The following ASPM variants were observed in gnomAD, a reference collection of about 807,000 sequenced individuals.
ASPM encodes abnormal spindle-like microcephaly-associated protein.
ASPM carries 256 observed loss-of-function variants against 366.4 expected under a neutral mutation model. The ratio of observed to expected loss-of-function variants is 0.70; its 90% CI spans 0.63 to 0.77. The LOEUF is 0.77. ASPM is among the 30% of genes least tolerant of loss of function. The pLI is 0.00. For missense variants in ASPM, 4,146 were observed against 4,090.4 expected (o/e 1.01, Z -0.37); for synonymous variants, 1,414 against 1,342.9 (o/e 1.05, Z -1.16).
chr1:197,114,390 GACA>G (rs1478678177), intron 17 of ASPM, among the ~76,000 whole-genome samples: 1 of 152,066 alleles, frequency 6.6e-6, no homozygotes, highest in East Asian at 1.9e-4. Flanking sequence ...TTAAAAATAA[GACA>G]ACAATGAAGT....
rs1233621583 is a variant in ASPM at position 197,102,015 on chromosome 1, G to A, written c.7236C>T (p.Thr2412=). The part of the protein sequence containing the change: ...RHLKSMHSSA[T]LIQSRFRSLL... ...ATGATCTAAACCTACTCTGAATAAG[G>A]GTTGCAGAGGAATGCATACTCTTCA... Residue 2412 remains threonine, a synonymous_variant, in exon 18 of 28, where the codon ACC becomes ACT. Transcript: ENST00000367409. 1.2e-6 allele frequency: 2 copies of A among 1,612,858 alleles called. No homozygotes were observed. Among genetic ancestry groups the A allele is most frequent in the East Asian group, 2.2e-5 (1 of 44,822 alleles).
chr1:197,142,788 CTTAGG>C lies in ASPM; in HGVS notation c.1459_1463del (p.Pro487GlufsTer11). 6.2e-7 allele frequency: 1 copy of C among 1,613,626 alleles called. No individual in the cohort carries two copies. The highest frequency in any genetic ancestry group is 8.5e-7 in the Non-Finnish European group (1 of 1,179,588). On this transcript the variant is annotated frameshift_variant, in exon 3 of 28. Transcript: ENST00000367409. LOFTEE classifies it high-confidence loss of function. Reference sequence around the variant, plus strand: ...CAGTGGCAGAAAGTATTGGACGTCTCTTAGGTTGTTTATTGTGGCTATGACTAGAA... The same window carrying C: ...CAGTGGCAGAAAGTATTGGACGTCTCTTGTTTATTGTGGCTATGACTAGAA...
intron 27 of ASPM, 120 bp downstream of exon 27, chr1:197,086,683 A>G: frequency 1.2e-6 from 1 of 857,772 alleles, no homozygotes; most frequent in Non-Finnish European, 2.0e-6. Flanking sequence ...TTCCATTCTT[A>G]TTCATATGTT....
At position 197,122,560 on chromosome 1, in the gene ASPM, A is replaced by T; in HGVS notation, c.3426T>A (p.Arg1142=). The T allele has an allele frequency of 6.2e-7, 1 of 1,612,078 alleles. No individual in the cohort carries two copies. The highest frequency in any genetic ancestry group is 1.1e-5 in the South Asian group (1 of 90,744). The change falls in exon 14 of 28, where the codon CGT becomes CGA. Residue 1142 remains arginine, a synonymous_variant. Transcript: ENST00000367409. The part of the protein sequence containing the change: ...ENFTVSFSDG[R]VLCYLIHHYH... ...AATGGTGGATCAGGTAACATAACAC[A>T]CGGCCGTCTGAGAAAGACACTGTAA...
chr1:197,125,284 A>T (rs1270182207), intron 10 of ASPM, 93 bp from the exon 11 acceptor site: 45 of 1,445,256 alleles, frequency 3.1e-5, no homozygotes, highest in Non-Finnish European at 9.7e-7. Context: ...CATAAATCCC[A>T]ACAGTTACAG....
Position 197,133,328 on chromosome 1 carries a change from A to C in ASPM, c.2419+22T>G, listed in dbSNP as rs192836234. 4.2e-5 allele frequency: 67 copies of C among 1,593,992 alleles called. No individual in the cohort carries two copies. In the African/African-American group the frequency reaches 7.6e-4, roughly 18 times the overall value. On this transcript the variant is annotated intron_variant, in intron 6 of 27. Transcript: ENST00000367409. Reference sequence around the variant, plus strand: ...TGAATGTTTTTAAAGAATTAATGTCAAGATTTCTGCAGTCTTCTTACCCAC... The same window carrying C: ...TGAATGTTTTTAAAGAATTAATGTCCAGATTTCTGCAGTCTTCTTACCCAC...
rs1182835336 is a variant in ASPM, at chr1:197,117,979, C to T, written c.3875G>A (p.Arg1292Lys). The T allele has an allele frequency of 8.1e-6, 13 of 1,612,918 alleles. No individual in the cohort carries two copies. In the African/African-American group the frequency reaches 1.7e-4, roughly 22 times the overall value. The stretch of plus-strand genomic sequence containing the variant: ...TTGAATAATTCTTGCAGCTTTCTCT[C>T]TCTCCTAAAATAAAAAAGTCAGCAA... ...LKTDLKRHQEREKAARIIQLA... is the reference protein window; with the variant it reads ...LKTDLKRHQEKEKAARIIQLA... The change falls in exon 17 of 28, where the codon AGA becomes AAA. Residue 1292 changes from arginine (R) to lysine (K), a missense_variant. This residue lies in a region of ASPM where 3,624 missense variants were observed against 3,591.7 expected (regional missense o/e 1.01). Transcript: ENST00000367409.
Position 197,100,506 on chromosome 1 carries a change from A to C in ASPM, c.8745T>G (p.Ile2915Met). 1.9e-6 allele frequency: 3 copies of C among 1,609,514 alleles called. No individual in the cohort carries two copies. The highest frequency in any genetic ancestry group is 2.5e-6 in the Non-Finnish European group (3 of 1,177,134). Residue 2915 changes from isoleucine to methionine, a missense_variant, in exon 18 of 28, where the codon ATT becomes ATG. Ile to Met is a conservative substitution (Grantham distance 10). Around this residue, in one of 3 missense-constraint regions of ASPM, gnomAD observed 3,624 missense variants for 3,591.7 expected, o/e 1.01. Transcript: ENST00000367409. ...VYLQIRSSVI[I>M]IQARSKGFIQ... ...TAAATCCTTTACTTCTAGCTTGAATAATGATAACACTGCTTCTGATCTGTA... is the reference window on the plus strand; with the variant it reads ...TAAATCCTTTACTTCTAGCTTGAATCATGATAACACTGCTTCTGATCTGTA...
chr1:197,123,159 T>C (rs1156976998), intron 13 of ASPM, among the ~76,000 whole-genome samples: 2 of 152,102 alleles, frequency 1.3e-5, no homozygotes, highest in Non-Finnish European at 2.9e-5. Flanking sequence ...ATCACAGTCT[T>C]CTCCTAAGAA....
chr1:197,085,010 C>T (rs909069040), intron 27 of ASPM, among the ~76,000 whole-genome samples: 4 of 152,150 alleles, frequency 2.6e-5, no homozygotes, highest in African/African-American at 9.7e-5. Context: ...TTCATTTGGC[C>T]TCAACACATA....
At chr1:197,121,067 T>C (rs1657892669) in intron 16 of ASPM, among the ~76,000 whole-genome samples, 1 of 152,178 alleles carries the variant, frequency 6.6e-6, no homozygotes, top group South Asian at 2.1e-4. Context: ...AGAAGGAATA[T>C]TGGGTGGAAT....
rs1359916474 is a variant in ASPM, at chr1:197,101,015, G to GAAT, written c.8233_8235dup (p.Ile2745dup). 6.2e-7 allele frequency: 1 copy of GAAT among 1,612,288 alleles called. No homozygotes were observed. Among genetic ancestry groups the GAAT allele is most frequent in the Non-Finnish European group, 8.5e-7 (1 of 1,179,042 alleles). ...ACTTTCATGCCTCTAAAAGCAGCCT[G>GAAT]AATAGTTCGTACAGATTTCTGAACT... On this transcript the variant is annotated inframe_insertion, in exon 18 of 28. Transcript: ENST00000367409.
In ASPM at chr1:197,146,480, A is replaced by ACTTT; in HGVS notation, c.-44_-43insAAAG. Reference sequence around the variant, plus strand: ...TCCTGGATCTCCTTGCCCCGCTCCCACGAGGCGGCTCCGGAGCGGGGATCC... The same window carrying ACTTT: ...TCCTGGATCTCCTTGCCCCGCTCCCACTTTCGAGGCGGCTCCGGAGCGGGGATCC... On this transcript the variant is annotated 5_prime_UTR_variant, in exon 1 of 28. Transcript: ENST00000367409. The ACTTT allele has an allele frequency of 6.3e-7, 1 of 1,593,670 alleles. No individual in the cohort carries two copies. Among genetic ancestry groups the ACTTT allele is most frequent in the Non-Finnish European group, 8.5e-7 (1 of 1,175,226 alleles).
At chr1:197,098,690 G>C (rs570014385) in intron 18 of ASPM, among the ~76,000 whole-genome samples, 8 of 151,304 alleles carry the variant, frequency 5.3e-5, no homozygotes, top group African/African-American at 1.7e-4. Flanking sequence ...TTAACACCTT[G>C]TTGGCTTCTC....
At chr1:197,126,373 G>A (rs781123317) in intron 10 of ASPM, among the ~76,000 whole-genome samples, 1 of 148,612 alleles carries the variant, frequency 6.7e-6, no homozygotes, top group Non-Finnish European at 1.5e-5. Flanking sequence ...CACAGAGGCA[G>A]AGGCTGCAGT....
In ASPM at chr1:197,122,807, AAC is replaced by A. The variant is rs1317741068; in HGVS notation, c.3391-214_3391-213del. On this transcript the variant is annotated intron_variant, in intron 13 of 27. Transcript: ENST00000367409. Reference sequence around the variant, plus strand: ...CTTTATGTGAGAGCATGGCACATCCAACACCTTGATTTCAGACTTCTAACCTC... The same window carrying A: ...CTTTATGTGAGAGCATGGCACATCCAACCTTGATTTCAGACTTCTAACCTC... Among the ~76,000 whole-genome samples, 6 of 152,306 alleles carry A rather than the reference AAC, an allele frequency of 3.9e-5. No homozygotes were observed. The South Asian group carries it at 6.2e-4, about 16-fold the overall frequency.
At chr1:197,110,472 C>A (rs953967118) in intron 17 of ASPM, among the ~76,000 whole-genome samples, 1 of 151,990 alleles carries the variant, frequency 6.6e-6, no homozygotes, top group Non-Finnish European at 1.5e-5. Flanking sequence ...TTTTAGAGTA[C>A]TTTGATATGA....
At chr1:197,089,810 C>G in intron 25 of ASPM, 120 bp downstream of exon 25, 1 of 962,864 alleles carries the variant, frequency 1.0e-6, no homozygotes, top group South Asian at 1.5e-5. Context: ...TCCTAAGACT[C>G]TTGCACATAA....
At position 197,142,742 on chromosome 1, in the gene ASPM, A is replaced by G; in HGVS notation, c.1510T>C (p.Cys504Arg). 1.2e-6 allele frequency: 2 copies of G among 1,613,990 alleles called. No homozygotes were observed. Among genetic ancestry groups the G allele is most frequent in the Non-Finnish European group, 1.7e-6 (2 of 1,179,872 alleles). The change falls in exon 3 of 28, where the codon TGT becomes CGT. Residue 504 changes from cysteine to arginine, a missense_variant. By Grantham distance (180) the Cys-to-Arg change is radical. Coordinates refer to ENST00000367409, the MANE Select transcript of ASPM (RefSeq NM_018136.5). ...SATVTKRKAT[C>R]TRENQTEINK... ...ATCTCAGTTTGGTTTTCTCTGGTACAGGTGGCCTTCCTTTTAGTAACAGTG... is the reference window on the plus strand; with the variant it reads ...ATCTCAGTTTGGTTTTCTCTGGTACGGGTGGCCTTCCTTTTAGTAACAGTG...
Sources: gnomAD v4.1 joint callset for allele counts (sites outside exome capture counted in the v4.1 genomes callset) on GRCh38, gnomAD v4.1.1 for gene constraint, gnomAD v4.1.1 regional missense constraint, MANE v1.5 for transcripts, NCBI Gene and HGNC (gene_info 2026-07-23, HGNC 2026-07-21) for gene names.